Variants in TLK1 observed in about 807,000 individuals in gnomAD.
TLK1 encodes tousled like kinase 1, also known as serine/threonine-protein kinase tousled-like 1.
In TLK1, 24 loss-of-function variants were observed where a neutral mutation model predicts 105.3. The observed-to-expected ratio is 0.23, with a 90% CI of 0.17 to 0.32. The LOEUF (loss-of-function observed/expected upper bound fraction) is 0.32, where lower values mean the gene tolerates loss of function less well. Among genes scored for constraint, TLK1 ranks in the 10% least tolerant of loss-of-function variants. TLK1 has a pLI of 1.00. For synonymous variants in TLK1, 321 were observed against 310.4 expected (o/e 1.03, Z -0.36); for missense variants, 558 against 910.5 (o/e 0.61, Z 4.98).
chr2:171,144,587 T>A (rs1183443218), intron 1 of TLK1, among the ~76,000 whole-genome samples: 2 of 151,130 alleles, frequency 1.3e-5, no homozygotes, highest in African/African-American at 2.4e-5. Context: ...TCAAATGAAA[T>A]AAAAAGAAAA....
chr2:171,089,066 G>C (rs1689108578), intron 2 of TLK1, among the ~76,000 whole-genome samples: 2 of 152,170 alleles, frequency 1.3e-5, no homozygotes, highest in South Asian at 4.1e-4. Context: ...ATTTTTGGTA[G>C]AGACAAGGTT....
At chr2:171,062,202 C>T (rs539276814) in intron 3 of TLK1, among the ~76,000 whole-genome samples, 5 of 152,296 alleles carry the variant, frequency 3.3e-5, no homozygotes, top group South Asian at 2.1e-4. Context: ...ATTCTAGAAA[C>T]GTGGTAAGCA....
chr2:171,113,493 G>GA (rs1365794582), intron 2 of TLK1, among the ~76,000 whole-genome samples: 2 of 152,042 alleles, frequency 1.3e-5, no homozygotes, highest in African/African-American at 4.8e-5. Context: ...GGCTAGTCTT[G>GA]AACTCCTGAT....
chr2:171,134,725 CTTTT>C (rs572825171), intron 1 of TLK1, among the ~76,000 whole-genome samples: 26,263 of 102,472 alleles, frequency 0.26, 2,419 homozygotes, highest in Middle Eastern at 0.34. Context: ...ACTATTTGGC[CTTTT>C]TTTTTTTTTT....
chr2:171,118,279 C>A (rs1004620404), intron 1 of TLK1, among the ~76,000 whole-genome samples: 3 of 152,052 alleles, frequency 2.0e-5, no homozygotes, highest in African/African-American at 7.2e-5. Context: ...AACAATGGAC[C>A]ATGGGTCCAT....
chr2:171,053,888 A>G (rs773759479), intron 7 of TLK1, 35 bp from the exon 8 acceptor site: 2 of 1,451,424 alleles, frequency 1.4e-6, no homozygotes, highest in Admixed American at 4.4e-5. Flanking sequence ...TATCTCCATT[A>G]TATATGTTGT....
chr2:170,992,797 A>C lies in TLK1; in HGVS notation c.*983T>G, dbSNP rs1363626784. 6.6e-6 allele frequency: 1 copy of C among 152,644 alleles called. No individual in the cohort carries two copies. Among genetic ancestry groups the C allele is most frequent in the Non-Finnish European group, 1.5e-5 (1 of 68,022 alleles). 9.5% of individuals were successfully genotyped at this position (152,644 alleles called of 1,614,324 possible). ...TAGAGTGCCTTCAAGAAGACTTAAA[A>C]AAAATACAATATCCAATTAGAAAAG... On this transcript the variant is annotated 3_prime_UTR_variant, in exon 21 of 21. Transcript: ENST00000431350.
At chr2:171,115,245 C>T (rs1254824408) in intron 2 of TLK1, among the ~76,000 whole-genome samples, 1 of 142,662 alleles carries the variant, frequency 7.0e-6, no homozygotes, top group African/African-American at 2.7e-5. Context: ...CATCTTGGCT[C>T]ACCGCAACCT....
At chr2:171,046,833 A>T (rs1213243152) in intron 10 of TLK1, among the ~76,000 whole-genome samples, 3 of 152,192 alleles carry the variant, frequency 2.0e-5, no homozygotes, top group Non-Finnish European at 4.4e-5. Flanking sequence ...AAACTATTAA[A>T]GTATGGGGTA....
intron 1 of TLK1, among the ~76,000 whole-genome samples, chr2:171,144,188 TG>T (rs1319218710): frequency 1.3e-5 from 2 of 152,006 alleles, no homozygotes; most frequent in Admixed American, 1.3e-4. Flanking sequence ...GAAGCAAAAC[TG>T]ACAGAATTAA....
At chr2:171,148,273 A>G (rs752810684) in intron 1 of TLK1, among the ~76,000 whole-genome samples, 1 of 152,118 alleles carries the variant, frequency 6.6e-6, no homozygotes, top group South Asian at 2.1e-4. Context: ...ATTAGTACCA[A>G]GGAGAAAGAG....
intron 1 of TLK1, among the ~76,000 whole-genome samples, chr2:171,201,190 C>A (rs1292380653): frequency 1.3e-5 from 2 of 151,960 alleles, no homozygotes; most frequent in African/African-American, 4.8e-5. Context: ...GGCCTCAAAT[C>A]CCATTTTTAT....
At chr2:170,998,969 T>C (rs550164470) in intron 18 of TLK1, among the ~76,000 whole-genome samples, 148 of 152,296 alleles carry the variant, frequency 9.7e-4, no homozygotes, top group African/African-American at 3.4e-3. Flanking sequence ...TCTTGTGCTG[T>C]TGACCAAGCT....
At chr2:171,143,988 A>G (rs1433335505) in intron 1 of TLK1, among the ~76,000 whole-genome samples, 1 of 152,168 alleles carries the variant, frequency 6.6e-6, no homozygotes, top group African/African-American at 2.4e-5. Flanking sequence ...GGACAGGATA[A>G]GAGTAAATGG....
intron 2 of TLK1, among the ~76,000 whole-genome samples, chr2:171,091,273 T>C (rs1689217575): frequency 6.6e-6 from 1 of 152,200 alleles, no homozygotes; most frequent in Non-Finnish European, 1.5e-5. Flanking sequence ...TTGAGTTCAA[T>C]GCTTGAGAGG....
intron 8 of TLK1, among the ~76,000 whole-genome samples, chr2:171,050,781 T>G (rs889861780): frequency 2.0e-5 from 3 of 152,188 alleles, no homozygotes; most frequent in African/African-American, 7.2e-5. Flanking sequence ...CATCAAAAGA[T>G]GAGTCTGATT....
rs79941123 is a variant in TLK1 at position 171,080,710 on chromosome 2, T to C, written c.330+2071A>G. On this transcript the variant is annotated intron_variant, in intron 3 of 20. Coordinates refer to ENST00000431350, the MANE Select transcript of TLK1 (RefSeq NM_012290.5). The stretch of plus-strand genomic sequence containing the variant: ...AACAGCAAAAGTCAAAAGATTTTTC[T>C]TTTTTTTTTTTTCTTAAGACAGGGT... 7.8e-3 allele frequency among the ~76,000 whole-genome samples: 1,124 copies of C among 143,764 alleles called. 4 individuals are homozygous for C. Among genetic ancestry groups the C allele is most frequent in the Middle Eastern group, 0.025 (7 of 280 alleles). The allele number at this position is 143,764 out of a possible 152,430, so 94.3% of individuals were successfully genotyped here.
At chr2:171,189,543 C>T (rs756486060) in intron 1 of TLK1, among the ~76,000 whole-genome samples, 6 of 152,110 alleles carry the variant, frequency 3.9e-5, no homozygotes, top group Non-Finnish European at 8.8e-5. Flanking sequence ...ATTGCATAGG[C>T]CAACCAATTT....
rs1407645032 is a variant in TLK1, at chr2:171,160,293, C to T, written c.136G>A (p.Glu46Lys). The T allele has an allele frequency of 1.3e-6, 2 of 1,580,746 alleles. No individual in the cohort carries two copies. Among genetic ancestry groups the T allele is most frequent in the Non-Finnish European group, 1.7e-6 (2 of 1,167,042 alleles). ...NHTPPSGRPREGAMDELHSLD... is the reference protein window; with the variant it reads ...NHTPPSGRPRKGAMDELHSLD... ...GCGCGGGCGCGGCGGTGCTTACCTT[C>T]CCTGGGCCTCCCGGATGGCGGCGTG... is the stretch of plus-strand genomic sequence containing the variant. Residue 46 changes from glutamate to lysine, a missense_variant, in exon 1 of 21, where the codon GAA becomes AAA. Around this residue, in one of 5 missense-constraint regions of TLK1, gnomAD observed 104 missense variants for 116.0 expected, o/e 0.90. Coordinates refer to ENST00000431350, the MANE Select transcript of TLK1 (RefSeq NM_012290.5). This position sits in a 1 kb window ranked among gnomAD's most constrained non-coding sequence, Gnocchi z 4.4.
Sources: allele counts gnomAD v4.1 joint callset (sites outside exome capture counted in the v4.1 genomes callset), GRCh38; gene constraint gnomAD v4.1.1; regional missense constraint gnomAD v4.1.1; non-coding constraint Gnocchi (gnomAD v3.1); transcripts MANE v1.5; gene names NCBI Gene and HGNC (gene_info 2026-07-23, HGNC 2026-07-21).